SENP5: variants seen among roughly 807,000 people sequenced by gnomAD.
The protein encoded by SENP5 is sentrin-specific protease 5.
A neutral mutation model predicts 74.2 loss-of-function variants in SENP5; 21 were observed. The ratio of observed to expected loss-of-function variants is 0.28; its 90% confidence interval spans 0.20 to 0.41. SENP5 has a LOEUF of 0.41. SENP5 is among the 10% of genes least tolerant of loss of function. The pLI, the probability that SENP5 is intolerant of heterozygous loss-of-function variation, is 1.00. For missense variants in SENP5, 717 were observed against 889.1 expected, an observed-to-expected ratio of 0.81 and a Z score of 2.46; for synonymous variants, 311 against 312.7, an observed-to-expected ratio of 0.99 and a Z score of 0.06.
intron 1 of SENP5, among the ~76,000 whole-genome samples, chr3:196,873,437 T>C (rs1713307308): frequency 6.6e-6 from 1 of 152,194 alleles, no homozygotes; most frequent in Admixed American, 6.5e-5. Context: ...AAAATGTTTT[T>C]GCTGTTGTTC....
chr3:196,919,258 A>G lies in SENP5; in HGVS notation c.1885-4156A>G, dbSNP rs186093830. Among the ~76,000 whole-genome samples, 933 of 152,312 alleles carry G rather than the reference A, an allele frequency of 6.1e-3. 6 individuals carry two copies. The highest frequency in any genetic ancestry group is 0.024 in the Middle Eastern group (7 of 294). Reference sequence around the variant, plus strand: ...TAGTTTGGGAGACTGAAGTGGGTGGATTACTTGAGGTCAGGAGTTCAAGAC... The same window carrying G: ...TAGTTTGGGAGACTGAAGTGGGTGGGTTACTTGAGGTCAGGAGTTCAAGAC... On this transcript the variant is annotated intron_variant, in intron 6 of 9. Coordinates refer to ENST00000323460, the MANE Select transcript of SENP5 (RefSeq NM_152699.5).
chr3:196,928,823 C>A (rs1376958282), intron 8 of SENP5, among the ~76,000 whole-genome samples: 2 of 152,182 alleles, frequency 1.3e-5, no homozygotes, highest in Non-Finnish European at 2.9e-5. Flanking sequence ...ACTAAAAAAT[C>A]TGGGTATTCT....
chr3:196,879,649 G>A (rs1212405585), intron 1 of SENP5, among the ~76,000 whole-genome samples: 1 of 152,074 alleles, frequency 6.6e-6, no homozygotes, highest in Non-Finnish European at 1.5e-5. Context: ...CCTGCATCCT[G>A]TGTATTCTTG....
intron 6 of SENP5, among the ~76,000 whole-genome samples, chr3:196,917,126 C>CT (rs1489674448): frequency 6.6e-6 from 1 of 152,054 alleles, no homozygotes; most frequent in Non-Finnish European, 1.5e-5. Context: ...AGAGCGAACT[C>CT]TGTCTCAAAA....
At position 196,882,203 on chromosome 3, in the gene SENP5, C is replaced by T. The variant is rs1162466413; in HGVS notation, c.-31-2948C>T. Reference sequence around the variant, plus strand: ...TGTGAGCCACCACACTCAGCCCCCTCTTTTTTTTTAATTGTGGTAAAATAT... The same window carrying T: ...TGTGAGCCACCACACTCAGCCCCCTTTTTTTTTTTAATTGTGGTAAAATAT... On this transcript the variant is annotated intron_variant, in intron 1 of 9. Transcript: ENST00000323460. Among the ~76,000 whole-genome samples, 3 of 150,606 alleles carry T rather than the reference C, an allele frequency of 2.0e-5. No individual in the cohort carries two copies. In the East Asian group the frequency reaches 5.8e-4, roughly 29 times the overall value.
intron 2 of SENP5, among the ~76,000 whole-genome samples, chr3:196,889,714 C>T (rs927241404): frequency 2.6e-5 from 4 of 152,168 alleles, no homozygotes; most frequent in East Asian, 3.8e-4. Context: ...TGTCTTCATA[C>T]TCACAAATGA....
Position 196,930,809 on chromosome 3 carries a change from G to T in SENP5, c.2158-4G>T, listed in dbSNP as rs77114473. ...AAGTGTTTCTGGGACCTTTTTTTTT[G>T]CAGTACTGCAAGTGCCTCGCCTTAG... is the stretch of plus-strand genomic sequence containing the variant. On this transcript the variant is annotated splice_region_variant and splice_polypyrimidine_tract_variant and intron_variant, in intron 9 of 9. Coordinates refer to ENST00000323460, the MANE Select transcript of SENP5 (RefSeq NM_152699.5). 1.3e-6 allele frequency: 2 copies of T among 1,540,094 alleles called. No homozygotes were observed. Among genetic ancestry groups the T allele is most frequent in the Admixed American group, 1.8e-5 (1 of 57,112 alleles).
rs530872493 is a variant in SENP5, at chr3:196,926,936, G to A, written c.2023-860G>A. On this transcript the variant is annotated intron_variant, in intron 7 of 9. Coordinates refer to ENST00000323460, the MANE Select transcript of SENP5 (RefSeq NM_152699.5). ...TGGGATTACAGGTGTGAGCCACCGC[G>A]TCTGGCCCTGGTCCACTTTTGTTGG... 4.5e-4 allele frequency among the ~76,000 whole-genome samples: 69 copies of A among 152,202 alleles called. 1 individual carries two copies. In the South Asian group the frequency reaches 0.012, roughly 26 times the overall value.
intron 6 of SENP5, chr3:196,913,312 G>A (rs771526710): frequency 2.0e-5 from 3 of 151,952 alleles, no homozygotes; most frequent in Non-Finnish European, 4.4e-5. Context: ...TTTATTAGCC[G>A]GGCAAGGTGG....
Position 196,899,767 on chromosome 3 carries a change from A to G in SENP5, c.1615A>G (p.Asn539Asp). ...AGATGTCTTTAATGAAGACTTTTCT[A>G]ATAGGTATATAAATGATGCTAAAGT... ...LKDVFNEDFS[N>D]RKPFINREIT... The change falls in exon 3 of 10, where the codon AAT becomes GAT. Residue 539 changes from asparagine to aspartate, a missense_variant. Physicochemically the swap from Asn to Asp is conservative, Grantham distance 23 (BLOSUM62 1). Coordinates refer to ENST00000323460, the MANE Select transcript of SENP5 (RefSeq NM_152699.5). The G allele has an allele frequency of 6.3e-7, 1 of 1,583,696 alleles. No homozygotes were observed. The highest frequency in any genetic ancestry group is 2.2e-5 in the East Asian group (1 of 44,640).
intron 2 of SENP5, among the ~76,000 whole-genome samples, chr3:196,895,120 AC>A (rs1054610069): frequency 4.0e-5 from 6 of 151,818 alleles, no homozygotes; most frequent in African/African-American, 1.5e-4. Flanking sequence ...GTGGAATGTG[AC>A]CCAGGTCAGT....
chr3:196,917,325 TA>T (rs1345052518), intron 6 of SENP5, among the ~76,000 whole-genome samples: 2 of 151,966 alleles, frequency 1.3e-5, no homozygotes, highest in Non-Finnish European at 2.9e-5. Context: ...CTACAAGATC[TA>T]GAAGTCACAG....
chr3:196,899,431 C>G (rs747996818), intron 2 of SENP5, among the ~76,000 whole-genome samples: 1 of 152,106 alleles, frequency 6.6e-6, no homozygotes, highest in Non-Finnish European at 1.5e-5. Context: ...ACTTAAAAAT[C>G]TAATGTGAAA....
chr3:196,889,510 T>C (rs929625607), intron 2 of SENP5, among the ~76,000 whole-genome samples: 5 of 152,142 alleles, frequency 3.3e-5, no homozygotes, highest in African/African-American at 1.2e-4. Context: ...GAAAAACCTG[T>C]TAGTAAAATT....
rs1484720690 is a variant in SENP5, at chr3:196,931,499, C to T, written c.*576C>T. On this transcript the variant is annotated 3_prime_UTR_variant, in exon 10 of 10. Transcript: ENST00000323460. ...TTTTGAAGGGTGAGATGGAAGTGGT[C>T]GTAAACTGACTGGTGTCTTCTGTTT... 5.2e-6 allele frequency: 1 copy of T among 192,792 alleles called. No homozygotes were observed. Among genetic ancestry groups the T allele is most frequent in the Non-Finnish European group, 1.1e-5 (1 of 94,582 alleles). The allele number at this position is 192,792 out of a possible 1,614,324, so 11.9% of individuals were successfully genotyped here.
At chr3:196,889,140 A>G (rs946273888) in intron 2 of SENP5, among the ~76,000 whole-genome samples, 2 of 151,758 alleles carry the variant, frequency 1.3e-5, no homozygotes, top group African/African-American at 4.8e-5. Flanking sequence ...TAAATAAATT[A>G]GTAAATAAAT....
chr3:196,914,586 A>AAAAAAAAAAATATATATATAT, intron 6 of SENP5: 29 of 33,472 alleles, frequency 8.7e-4, no homozygotes, highest in African/African-American at 2.5e-3. Flanking sequence ...AAAAAAAAAA[A>AAAAAAAAAAATATATATATAT]ATATATATAT....
At chr3:196,884,029 A>C (rs185815969) in intron 1 of SENP5, among the ~76,000 whole-genome samples, 401 of 152,330 alleles carry the variant, frequency 2.6e-3, no homozygotes, top group African/African-American at 8.5e-3. Flanking sequence ...CGGGGAAGGG[A>C]GAGGAGACCA....
At chr3:196,918,087 A>G (rs1270119990) in intron 6 of SENP5, among the ~76,000 whole-genome samples, 3 of 151,334 alleles carry the variant, frequency 2.0e-5, no homozygotes, top group African/African-American at 4.9e-5. Context: ...AGGCAGGTGG[A>G]TCACGAGGTC....
Sources: gnomAD v4.1 joint callset for allele counts (sites outside exome capture counted in the v4.1 genomes callset) on GRCh38, gnomAD v4.1.1 for gene constraint, MANE v1.5 for transcripts, NCBI Gene and HGNC (gene_info 2026-07-23, HGNC 2026-07-21) for gene names.